The following RUBCNL variants were observed in gnomAD, a reference collection of about 807,000 sequenced individuals.
RUBCNL encodes the protein rubicon like autophagy enhancer.
Under a neutral mutation model 69.5 loss-of-function variants are expected in RUBCNL, and 62 were observed. That is an observed-to-expected ratio of 0.89 (90% CI 0.73 to 1.10). The LOEUF is 1.10. Among genes scored for constraint, RUBCNL ranks in the 50% least tolerant of loss-of-function variants. The probability of loss-of-function intolerance (pLI) is 0.00; values close to 1 mark genes in which losing one functional copy is unlikely to be tolerated. For missense variants in RUBCNL, 768 were observed against 798.1 expected, an observed-to-expected ratio of 0.96 and a Z score of 0.45; for synonymous variants, 291 against 303.6, an observed-to-expected ratio of 0.96 and a Z score of 0.43.
rs554866502 is a variant in RUBCNL, at chr13:46,337,909, C to T, written c.*5476G>A. Among the ~76,000 whole-genome samples, 91 of 152,306 alleles carry T rather than the reference C, an allele frequency of 6.0e-4. No homozygotes were observed. Among genetic ancestry groups the T allele is most frequent in the African/African-American group, 2.0e-3 (82 of 41,566 alleles). The stretch of plus-strand genomic sequence containing the variant: ...CAGGAATGTGGACCTTCAGGGGCTG[C>T]AGGAGCAAAGGGAGAATAAAGTCTC... On this transcript the variant is annotated 3_prime_UTR_variant, in exon 15 of 15. Coordinates refer to ENST00000429979, the MANE Select transcript of RUBCNL (RefSeq NM_025113.5).
chr13:46,352,072 C>T (rs776073760), intron 10 of RUBCNL, among the ~76,000 whole-genome samples: 2 of 152,204 alleles, frequency 1.3e-5, no homozygotes, highest in Non-Finnish European at 2.9e-5. Flanking sequence ...AAGTGATCCA[C>T]TCATGTTGGC....
rs1272987569 is a variant in RUBCNL, at chr13:46,359,469, C to T, written c.1265+17G>A. 6.2e-7 allele frequency: 1 copy of T among 1,600,562 alleles called. No individual in the cohort carries two copies. Among genetic ancestry groups the T allele is most frequent in the South Asian group, 1.1e-5 (1 of 88,458 alleles). ...GATTTAAATGGATTGGAGGCCCAAG[C>T]AACAGCCCATACTTACTTGAGTGGT... On this transcript the variant is annotated intron_variant, in intron 9 of 14. Transcript: ENST00000429979.
Position 46,362,577 on chromosome 13 carries a change from A to G in RUBCNL, c.947T>C (p.Ile316Thr), listed in dbSNP as rs1247464328. The G allele has an allele frequency of 6.2e-7, 1 of 1,609,170 alleles. No homozygotes were observed. Among genetic ancestry groups the G allele is most frequent in the Non-Finnish European group, 8.5e-7 (1 of 1,177,802 alleles). ...VILELGDFNDITETCSCSCSS... is the reference protein window; with the variant it reads ...VILELGDFNDTTETCSCSCSS... ...GCAGGAACAGCTACAGGTTTCTGTG[A>G]TATCATTAAAATCTCCAAGCTCTGT... The change falls in exon 7 of 15, where the codon ATC (isoleucine) becomes ACC (threonine). Residue 316 changes from isoleucine (I) to threonine (T), a missense_variant. By Grantham distance (89) the Ile-to-Thr change is moderately conservative (BLOSUM62 -1). Transcript: ENST00000429979.
chr13:46,352,783 G>A lies in RUBCNL; in HGVS notation c.1331-2432C>T, dbSNP rs970652724. Among the ~76,000 whole-genome samples, 5 of 151,456 alleles carry A rather than the reference G, an allele frequency of 3.3e-5. No homozygotes were observed. The South Asian group carries it at 8.3e-4, about 25-fold the overall frequency. On this transcript the variant is annotated intron_variant, in intron 10 of 14. Coordinates refer to ENST00000429979, the MANE Select transcript of RUBCNL (RefSeq NM_025113.5). ...TGCGCCATTGCGCTCCAGCCTGGGT[G>A]GGCAACAAGCGTGAAACTCCATCTC...
rs34043318 is a variant in RUBCNL, at chr13:46,336,561, CT to C, written c.*6823del. Among the ~76,000 whole-genome samples, 22,219 of 151,900 alleles carry C rather than the reference CT, an allele frequency of 0.15. 1,932 individuals carry two copies. Among genetic ancestry groups the C allele is most frequent in the Middle Eastern group, 0.22 (64 of 294 alleles). ...TATAGTCTAGCTTTTCTTAGCTAGACTTTTTTATTTTATTATATTTTATTAT... is the reference window on the plus strand; with the variant it reads ...TATAGTCTAGCTTTTCTTAGCTAGACTTTTTATTTTATTATATTTTATTAT... On this transcript the variant is annotated 3_prime_UTR_variant, in exon 15 of 15. Transcript: ENST00000429979.
chr13:46,345,611 G>A lies in RUBCNL; in HGVS notation c.1632-11C>T. The stretch of plus-strand genomic sequence containing the variant: ...AACTCCTTTAATGCACTGCCAGAGA[G>A]GAAACAAAGAGGAATTCAGAAACCC... On this transcript the variant is annotated splice_polypyrimidine_tract_variant and intron_variant, in intron 12 of 14. Transcript: ENST00000429979. The A allele has an allele frequency of 6.2e-7, 1 of 1,612,664 alleles. No individual in the cohort carries two copies.
chr13:46,362,352 A>G (rs936744100), intron 7 of RUBCNL, among the ~76,000 whole-genome samples, 186 bp downstream of exon 7: 1 of 152,240 alleles, frequency 6.6e-6, no homozygotes, highest in Non-Finnish European at 1.5e-5. Flanking sequence ...CCTTTTATAT[A>G]TTGTAAAACA....
intron 5 of RUBCNL, 153 bp downstream of exon 5, chr13:46,367,889 A>C: frequency 7.0e-6 from 5 of 714,706 alleles, no homozygotes; most frequent in South Asian, 1.8e-5. Flanking sequence ...ACAAGAACAA[A>C]AAAAAAGTAG....
chr13:46,378,050 C>T, intron 1 of RUBCNL, 45 bp from the exon 2 acceptor site: 2 of 998,320 alleles, frequency 2.0e-6, no homozygotes, highest in Non-Finnish European at 1.5e-6. Context: ...ATACCACTGC[C>T]AGGTATGTTA....
rs1036326540 is a variant in RUBCNL, at chr13:46,339,613, CTT to C, written c.*3770_*3771del. On this transcript the variant is annotated 3_prime_UTR_variant, in exon 15 of 15. Transcript: ENST00000429979. ...GTGGCTCAGGCCTGTAATCCCAGCACTTTTGGAAGCCGAAGCAGGCAGATCAC... is the reference window on the plus strand; with the variant it reads ...GTGGCTCAGGCCTGTAATCCCAGCACTTGGAAGCCGAAGCAGGCAGATCAC... Among the ~76,000 whole-genome samples the C allele has an allele frequency of 3.9e-5, 6 of 152,168 alleles. No homozygotes were observed. Among genetic ancestry groups the C allele is most frequent in the African/African-American group, 1.4e-4 (6 of 41,436 alleles).
chr13:46,377,900 A>T lies in RUBCNL; in HGVS notation c.-133T>A, dbSNP rs780368421. On this transcript the variant is annotated 5_prime_UTR_variant, in exon 2 of 15. Transcript: ENST00000429979. ...AGGTCGGACACTCACCAGGAGTATG[A>T]ATTTCTCGAAGAGGCAGATTGACAC... is the stretch of plus-strand genomic sequence containing the variant. 9 of 1,604,286 alleles carry T rather than the reference A, an allele frequency of 5.6e-6. No homozygotes were observed. The Admixed American group carries it at 1.5e-4, about 27-fold the overall frequency.
chr13:46,347,564 G>A (rs568248760), intron 12 of RUBCNL, among the ~76,000 whole-genome samples: 1 of 152,186 alleles, frequency 6.6e-6, no homozygotes, highest in Admixed American at 6.5e-5. Flanking sequence ...AAAGGCCCCT[G>A]GTATACTCAT....
In RUBCNL at chr13:46,377,912, AG is replaced by A; in HGVS notation, c.-146del. The A allele has an allele frequency of 6.2e-7, 1 of 1,609,214 alleles. No individual in the cohort carries two copies. Among genetic ancestry groups the A allele is most frequent in the Non-Finnish European group, 8.5e-7 (1 of 1,177,806 alleles). ...CACCAGGAGTATGAATTTCTCGAAG[AG>A]GCAGATTGACACAGAGGAGAAAGTA... On this transcript the variant is annotated 5_prime_UTR_variant, in exon 2 of 15. The change abolishes the stop of an existing upstream ORF in the 5' untranslated region. Coordinates refer to ENST00000429979, the MANE Select transcript of RUBCNL (RefSeq NM_025113.5).
chr13:46,381,684 G>A (rs1460625998), intron 1 of RUBCNL, among the ~76,000 whole-genome samples: 1 of 152,214 alleles, frequency 6.6e-6, no homozygotes, highest in Admixed American at 6.5e-5. Context: ...CTGGGTTCAA[G>A]TGATTCTTCT....
At chr13:46,389,459 A>AAG (rs1466408498), upstream of RUBCNL, among the ~76,000 whole-genome samples, 3 of 152,248 alleles carry the variant, frequency 2.0e-5, no homozygotes, top group Non-Finnish European at 2.9e-5. This position sits in a 1 kb window ranked among gnomAD's most constrained non-coding sequence, Gnocchi z 4.2. Flanking sequence ...ATGCCAGGTA[A>AAG]ATCAGTGAGT....
At chr13:46,384,263 C>T (rs770417701) in intron 1 of RUBCNL, among the ~76,000 whole-genome samples, 1 of 152,208 alleles carries the variant, frequency 6.6e-6, no homozygotes, top group African/African-American at 2.4e-5. Context: ...CCAAAAACTT[C>T]TAAGAATCAT....
At position 46,368,790 on chromosome 13, in the gene RUBCNL, G is replaced by A; in HGVS notation, c.561C>T (p.Thr187=). 1 of 1,613,714 alleles carries A rather than the reference G, an allele frequency of 6.2e-7. No individual in the cohort carries two copies. Among genetic ancestry groups the A allele is most frequent in the Non-Finnish European group, 8.5e-7 (1 of 1,179,750 alleles). The change falls in exon 4 of 15, where the codon ACC becomes ACT. Residue 187 remains threonine (T), a synonymous_variant. Coordinates refer to ENST00000429979, the MANE Select transcript of RUBCNL (RefSeq NM_025113.5). ...DEGAVQVSRR[T]ISSNSFSPEV... ...CTGGTGAGAAGGAATTCGAAGAAAT[G>A]GTTCTTCTACTGACTTGAACAGCAC... is the stretch of plus-strand genomic sequence containing the variant.
At chr13:46,365,918 G>A (rs568861012) in intron 5 of RUBCNL, among the ~76,000 whole-genome samples, 10 of 152,262 alleles carry the variant, frequency 6.6e-5, no homozygotes, top group African/African-American at 2.4e-4. Flanking sequence ...AAACCAAATC[G>A]GTATTAAAGA....
intron 5 of RUBCNL, among the ~76,000 whole-genome samples, chr13:46,364,307 G>A (rs2048698826): frequency 6.6e-6 from 1 of 152,016 alleles, no homozygotes; most frequent in South Asian, 2.1e-4. Flanking sequence ...TGAGGCCGGA[G>A]AATCGCTTGA....
Sources: gnomAD v4.1 joint callset for allele counts (sites outside exome capture counted in the v4.1 genomes callset) on GRCh38, gnomAD v4.1.1 for gene constraint, Gnocchi (gnomAD v3.1) non-coding constraint, MANE v1.5 for transcripts, NCBI Gene and HGNC (gene_info 2026-07-23, HGNC 2026-07-21) for gene names.